The following TM6SF2 variants were observed in gnomAD, a reference collection of about 807,000 sequenced individuals.
The protein encoded by TM6SF2 is transmembrane 6 superfamily member 2.
In TM6SF2, 29 loss-of-function variants were observed where a neutral mutation model predicts 41.0. The ratio of observed to expected loss-of-function variants is 0.71; its 90% CI spans 0.53 to 0.96. The LOEUF is 0.96. TM6SF2 is among the 50% of genes least tolerant of loss of function. TM6SF2 has a pLI of 0.00. For synonymous variants in TM6SF2, 200 were observed against 209.1 expected, an observed-to-expected ratio of 0.96 and a Z score of 0.37; for missense variants, 475 against 499.0, an observed-to-expected ratio of 0.95 and a Z score of 0.46.
At position 19,273,206 on chromosome 19, in the gene TM6SF2, G is replaced by T; in HGVS notation, c.10C>A (p.Pro4Thr). 6.9e-7 allele frequency: 1 copy of T among 1,443,536 alleles called. No homozygotes were observed. Among genetic ancestry groups the T allele is most frequent in the Non-Finnish European group, 9.1e-7 (1 of 1,100,956 alleles). The allele number at this position is 1,443,536 out of a possible 1,614,324, so 89.4% of individuals were successfully genotyped here. The change falls in exon 1 of 10, where the codon CCG (proline) becomes ACG (threonine). Residue 4 changes from proline (P) to threonine (T), a missense_variant. Physicochemically the swap from Pro to Thr is conservative, Grantham distance 38. Around this residue, in one of 3 missense-constraint regions of TM6SF2, gnomAD observed 238 missense variants for 228.6 expected, o/e 1.04. Transcript: ENST00000389363. The part of the protein sequence containing the change: MDI[P>T]PLAGKIAALS... ...GCCGCGATCTTGCCGGCCAGCGGCG[G>T]GATGTCCATAGCGGCGGCTGCTGGA...
intron 1 of TM6SF2, among the ~76,000 whole-genome samples, chr19:19,272,319 C>T (rs1278510099): frequency 6.6e-6 from 1 of 152,182 alleles, no homozygotes; most frequent in African/African-American, 2.4e-5. Context: ...TCTTTGTACA[C>T]AGTTTATAAT....
intron 5 of TM6SF2, among the ~76,000 whole-genome samples, chr19:19,269,395 C>T (rs188755038): frequency 1.7e-4 from 26 of 152,332 alleles, no homozygotes; most frequent in Admixed American, 7.8e-4. Context: ...TTCACCCTGT[C>T]CCCAAGATTC....
rs578098988 is a variant in TM6SF2, at chr19:19,264,760, G to T, written c.1038C>A (p.Gly346=). 1 of 1,608,836 alleles carries T rather than the reference G, an allele frequency of 6.2e-7. No homozygotes were observed. The highest frequency in any genetic ancestry group is 8.5e-7 in the Non-Finnish European group (1 of 1,177,782). Reference sequence around the variant, plus strand: ...GGCAACGGTAGGCCAGCAGGTGGGGGCCCAGCGCATACAGCAGATTGCACA... The same window carrying T: ...GGCAACGGTAGGCCAGCAGGTGGGGTCCCAGCGCATACAGCAGATTGCACA... ...FFVCNLLYAL[G]PHLLAYRCLQ... The change falls in exon 10 of 10, where the codon GGC becomes GGA. Residue 346 remains glycine, a synonymous_variant. Coordinates refer to ENST00000389363, the MANE Select transcript of TM6SF2 (RefSeq NM_001001524.3).
At chr19:19,268,883 A>G (rs1344843522) in intron 5 of TM6SF2, 129 bp from the exon 6 acceptor site, 11 of 1,138,256 alleles carry the variant, frequency 9.7e-6, no homozygotes, top group Non-Finnish European at 1.2e-5. Context: ...ATCTTGGCTC[A>G]CTGCAACCTC....
intron 5 of TM6SF2, among the ~76,000 whole-genome samples, chr19:19,269,218 C>T (rs1309155156): frequency 6.6e-6 from 1 of 152,208 alleles, no homozygotes; most frequent in East Asian, 1.9e-4. Flanking sequence ...GTCCATACTC[C>T]TTAGCCTAGC....
rs758530683 is a variant in TM6SF2 at position 19,270,186 on chromosome 19, C to G, written c.388G>C (p.Ala130Pro). Residue 130 changes from alanine (A) to proline (P), a missense_variant, in exon 4 of 10, where the codon GCC becomes CCC. This residue lies in a region of TM6SF2 where 238 missense variants were observed against 228.6 expected (regional missense o/e 1.04). Coordinates refer to ENST00000389363, the MANE Select transcript of TM6SF2 (RefSeq NM_001001524.3). ...HYLLYLAMAG[A>P]ICRRKRYRNF... ...TGCCTCCTGCACCTTCTGCAGATGG[C>G]GCCGGCCATGGCCAGGTAGAGGAGG... 2 of 1,613,908 alleles carry G rather than the reference C, an allele frequency of 1.2e-6. No individual in the cohort carries two copies. Among genetic ancestry groups the G allele is most frequent in the Admixed American group, 3.3e-5 (2 of 60,008 alleles).
chr19:19,268,164 C>A, intron 6 of TM6SF2, 77 bp from the exon 7 acceptor site: 1 of 960,620 alleles, frequency 1.0e-6, no homozygotes, highest in African/African-American at 1.7e-5. Flanking sequence ...ATAAAGGTTC[C>A]TAAGGCTCCT....
intron 4 of TM6SF2, 185 bp downstream of exon 4, chr19:19,269,988 C>T (rs745718995): frequency 1.3e-6 from 2 of 1,487,036 alleles, no homozygotes; most frequent in South Asian, 2.7e-5. Context: ...GTAAGCAATG[C>T]TAGGCCACCA....
rs1352871413 is a variant in TM6SF2, at chr19:19,273,196, G to A, written c.20C>T (p.Ala7Val). The A allele has an allele frequency of 1.4e-6, 2 of 1,450,168 alleles. No homozygotes were observed. Among genetic ancestry groups the A allele is most frequent in the Admixed American group, 2.5e-5 (1 of 39,960 alleles). 89.8% of individuals were successfully genotyped at this position (1,450,168 alleles called of 1,614,324 possible). The change falls in exon 1 of 10, where the codon GCC becomes GTC. Residue 7 changes from alanine (A) to valine (V), a missense_variant. This residue lies in a region of TM6SF2 where 238 missense variants were observed against 228.6 expected (regional missense o/e 1.04). Transcript: ENST00000389363. MDIPPL[A>V]GKIAALSLSA... ...CAGCGACAGCGCCGCGATCTTGCCG[G>A]CCAGCGGCGGGATGTCCATAGCGGC...
chr19:19,267,478 C>A (rs530136094), intron 8 of TM6SF2, 143 bp downstream of exon 8: 56 of 545,220 alleles, frequency 1.0e-4, no homozygotes, highest in Non-Finnish European at 1.7e-4. Flanking sequence ...ACCTGAAGAC[C>A]ACATCTGTCC....
chr19:19,273,061 T>TACCCCCC, intron 1 of TM6SF2, 60 bp downstream of exon 1: 1 of 305,470 alleles, frequency 3.3e-6, no homozygotes, highest in Admixed American at 5.9e-5. Context: ...CCTCCAGTCC[T>TACCCCCC]CCCCGCCCCC....
chr19:19,266,391 G>A (rs1469499466), intron 9 of TM6SF2, 99 bp downstream of exon 9: 1 of 1,511,442 alleles, frequency 6.6e-7, no homozygotes, highest in Non-Finnish European at 9.0e-7. Context: ...CCTCTTGGGG[G>A]CTCATCATTA....
Position 19,271,027 on chromosome 19 carries a change from T to C in TM6SF2, c.194A>G (p.Tyr65Cys), listed in dbSNP as rs527605147. ...SHGEVSYDPLYAVFAVFAFTS... is the reference protein window; with the variant it reads ...SHGEVSYDPLCAVFAVFAFTS... ...ACAGCTTCCCACTGACTCACCAGCA[T>C]AGAGTGGGTCATAGGAGACCTCGCC... Residue 65 changes from tyrosine (Y) to cysteine (C), a missense_variant, in exon 2 of 10, where the codon TAT becomes TGT. By Grantham distance (194) the Tyr-to-Cys change is radical. Around this residue, in one of 3 missense-constraint regions of TM6SF2, gnomAD observed 238 missense variants for 228.6 expected, o/e 1.04. Transcript: ENST00000389363. 1.1e-5 allele frequency: 18 copies of C among 1,613,106 alleles called. No individual in the cohort carries two copies. The highest frequency in any genetic ancestry group is 1.4e-5 in the Non-Finnish European group (17 of 1,179,270).
rs766450426 is a variant in TM6SF2, at chr19:19,270,288, G to A, written c.298-12C>T. ...AGGTATGGCTCTCCCTGTGGGGGCA[G>A]GTGGGAGACTCAGACGGGCAGTGCG... On this transcript the variant is annotated splice_polypyrimidine_tract_variant and intron_variant, in intron 3 of 9. Coordinates refer to ENST00000389363, the MANE Select transcript of TM6SF2 (RefSeq NM_001001524.3). The A allele has an allele frequency of 3.0e-5, 48 of 1,614,114 alleles. 1 individual carries two copies. The highest frequency in any genetic ancestry group is 3.3e-5 in the Admixed American group (2 of 60,010).
Position 19,270,443 on chromosome 19 carries a change from C to G in TM6SF2, c.200-1G>C, listed in dbSNP as rs2061019529. On this transcript the variant is annotated splice_acceptor_variant, in intron 2 of 9. Coordinates refer to ENST00000389363, the MANE Select transcript of TM6SF2 (RefSeq NM_001001524.3). LOFTEE classifies it high-confidence loss of function. ...GAGGTGAAGGCGAAGACAGCGAAGA[C>G]TGCAGTGAGTGGGCGGGCCGGGTCA... 1 of 1,605,644 alleles carries G rather than the reference C, an allele frequency of 6.2e-7. No homozygotes were observed. Among genetic ancestry groups the G allele is most frequent in the Non-Finnish European group, 8.5e-7 (1 of 1,176,366 alleles).
chr19:19,264,676 C>G lies in TM6SF2; in HGVS notation c.1122G>C (p.Lys374Asn). 1 of 1,517,782 alleles carries G rather than the reference C, an allele frequency of 6.6e-7. No homozygotes were observed. Among genetic ancestry groups the G allele is most frequent in the Non-Finnish European group, 8.9e-7 (1 of 1,129,482 alleles). The allele number at this position is 1,517,782 out of a possible 1,614,324, so 94.0% of individuals were successfully genotyped here. Residue 374 changes from lysine to asparagine, a missense_variant, in exon 10 of 10, where the codon AAG (lysine) becomes AAC (asparagine). Lys to Asn is a moderately conservative substitution (Grantham distance 94). Transcript: ENST00000389363. The stretch of plus-strand genomic sequence containing the variant: ...GTCCACAGCTCTCTCAATGCTGCTT[C>G]TTGTGGAGGGCTAGGGGGTCGGAGG... ...PPPSDPLALHKKQH is the reference protein window; with the variant it reads ...PPPSDPLALHNKQH
At chr19:19,267,081 C>T (rs1301812726) in intron 8 of TM6SF2, among the ~76,000 whole-genome samples, 2 of 152,008 alleles carry the variant, frequency 1.3e-5, no homozygotes. Context: ...GAAAGCAGAG[C>T]TCAGAGGCCG....
At chr19:19,269,971 G>A in intron 4 of TM6SF2, 2 of 1,483,068 alleles carry the variant, frequency 1.3e-6, no homozygotes, top group Non-Finnish European at 9.0e-7. Context: ...CCAGGCACAG[G>A]GTGGATGTAA....
intron 8 of TM6SF2, among the ~76,000 whole-genome samples, chr19:19,267,194 C>T (rs1192085224): frequency 6.6e-6 from 1 of 151,834 alleles, no homozygotes; most frequent in African/African-American, 2.4e-5. Flanking sequence ...CATGGCAAAA[C>T]CCCGTATCTA....
Sources: gnomAD v4.1 joint callset for allele counts (sites outside exome capture counted in the v4.1 genomes callset) on GRCh38, gnomAD v4.1.1 for gene constraint, gnomAD v4.1.1 regional missense constraint, MANE v1.5 for transcripts, NCBI Gene and HGNC (gene_info 2026-07-23, HGNC 2026-07-21) for gene names.